PTPRD: variants seen among roughly 807,000 people sequenced by gnomAD.
The protein encoded by PTPRD is protein tyrosine phosphatase receptor type D.
Under a neutral mutation model 214.5 loss-of-function variants are expected in PTPRD, and 34 were observed. The observed-to-expected ratio is 0.16, with a 90% CI of 0.12 to 0.21. The LOEUF (loss-of-function observed/expected upper bound fraction) is 0.21, where lower values mean the gene tolerates loss of function less well. Among genes scored for constraint, PTPRD ranks in the 10% least tolerant of loss-of-function variants. The pLI is 1.00. For missense variants in PTPRD, 2,545 were observed against 2,398.7 expected, an observed-to-expected ratio of 1.06 and a Z score of -1.27; for synonymous variants, 1,128 against 845.7, an observed-to-expected ratio of 1.33 and a Z score of -5.79.
rs115178402 is a variant in PTPRD, at chr9:8,926,780, A to G, written c.-104+91917T>C. ...GCACTTACTGAGTGATCTCTTCTTG[A>G]TAATTCTTTCTGAAAACATCTCTAA... On this transcript the variant is annotated intron_variant, in intron 11 of 45. Transcript: ENST00000381196. Among the ~76,000 whole-genome samples the G allele has an allele frequency of 4.2e-3, 635 of 152,310 alleles. 3 individuals carry two copies. The highest frequency in any genetic ancestry group is 0.014 in the African/African-American group (581 of 41,558).
rs950533672 is a variant in PTPRD, at chr9:10,002,685, T to C, written c.-472+31033A>G. ...ACCTAATGACAGAGTCTCAAAATAC[T>C]TGAAAAAAAAAACTTACAGAAACAA... On this transcript the variant is annotated intron_variant, in intron 4 of 45. Transcript: ENST00000381196. Among the ~76,000 whole-genome samples, 2 of 149,384 alleles carry C rather than the reference T, an allele frequency of 1.3e-5. 1 individual carries two copies. The highest frequency in any genetic ancestry group is 5.0e-5 in the African/African-American group (2 of 40,368).
At position 9,116,173 on chromosome 9, in the gene PTPRD, G is replaced by A. The variant is rs544683171; in HGVS notation, c.-143+67131C>T. ...CCTCAACATCACACAATATACTCAC[G>A]TAACAAACTGCTCATGTACTCCCTG... is the stretch of plus-strand genomic sequence containing the variant. On this transcript the variant is annotated intron_variant, in intron 10 of 45. Transcript: ENST00000381196. Among the ~76,000 whole-genome samples, 6 of 151,948 alleles carry A rather than the reference G, an allele frequency of 3.9e-5. 1 individual carries two copies. The South Asian group carries it at 8.3e-4, about 21-fold the overall frequency.
chr9:9,675,437 T>C lies in PTPRD; in HGVS notation c.-287+59096A>G, dbSNP rs59537274. Reference sequence around the variant, plus strand: ...ATAGAAAACAATAATACAGAGAAGATCAACAAAATTAAAAGCAAATTGTTT... The same window carrying C: ...ATAGAAAACAATAATACAGAGAAGACCAACAAAATTAAAAGCAAATTGTTT... On this transcript the variant is annotated intron_variant, in intron 7 of 45. Coordinates refer to ENST00000381196, the MANE Select transcript of PTPRD (RefSeq NM_002839.4). Among the ~76,000 whole-genome samples the C allele has an allele frequency of 2.3e-3, 343 of 151,528 alleles. 1 individual carries two copies. The highest frequency in any genetic ancestry group is 7.8e-3 in the African/African-American group (323 of 41,408).
intron 11 of PTPRD, among the ~76,000 whole-genome samples, chr9:8,868,138 C>T (rs2098231514): frequency 6.6e-6 from 1 of 152,108 alleles, no homozygotes; most frequent in African/African-American, 2.4e-5. Flanking sequence ...TGTGCCCAGC[C>T]CACGCATACT....
intron 43 of PTPRD, among the ~76,000 whole-genome samples, chr9:8,337,179 C>G (rs1412077969): frequency 1.3e-5 from 2 of 152,106 alleles, no homozygotes; most frequent in Admixed American, 6.5e-5. Flanking sequence ...TTCACAATAG[C>G]AAAGACTTGT....
intron 8 of PTPRD, among the ~76,000 whole-genome samples, chr9:9,463,036 A>C (rs533060926): frequency 1.3e-4 from 19 of 150,468 alleles, no homozygotes; most frequent in African/African-American, 3.5e-4. Context: ...AGTTTCCAAG[A>C]GACTAAATAG....
At chr9:10,177,556 G>A (rs1392097742) in intron 3 of PTPRD, among the ~76,000 whole-genome samples, 2 of 151,792 alleles carry the variant, frequency 1.3e-5, no homozygotes, top group Non-Finnish European at 2.9e-5. Flanking sequence ...GAAGACCAGA[G>A]GAAAAACAGA....
chr9:9,074,124 G>C (rs1436993374), intron 10 of PTPRD, among the ~76,000 whole-genome samples: 2 of 152,106 alleles, frequency 1.3e-5, no homozygotes, highest in Non-Finnish European at 2.9e-5. Flanking sequence ...AACTAAAGCT[G>C]AGAGAAGTTT....
intron 2 of PTPRD, among the ~76,000 whole-genome samples, chr9:10,603,753 G>C (rs773900482): frequency 2.0e-5 from 3 of 151,798 alleles, no homozygotes; most frequent in Admixed American, 6.6e-5. Context: ...AAGAACTCAT[G>C]AGGCAGTATA....
chr9:9,322,305 G>A (rs1021261899), intron 9 of PTPRD, among the ~76,000 whole-genome samples: 1 of 152,120 alleles, frequency 6.6e-6, no homozygotes, highest in African/African-American at 2.4e-5. Flanking sequence ...ATTTGCTATA[G>A]ACCAAGGATT....
At chr9:9,763,377 A>G (rs2098677784) in intron 6 of PTPRD, among the ~76,000 whole-genome samples, 1 of 152,146 alleles carries the variant, frequency 6.6e-6, no homozygotes, top group Non-Finnish European at 1.5e-5. Flanking sequence ...ATCCATATGT[A>G]TCTGTTTTAC....
intron 2 of PTPRD, among the ~76,000 whole-genome samples, chr9:10,376,333 A>C (rs1344930727): frequency 6.6e-6 from 1 of 151,858 alleles, no homozygotes; most frequent in African/African-American, 2.4e-5. Context: ...ATAAAGAAAC[A>C]GTTATGTACA....
At chr9:9,236,083 G>C (rs567886557) in intron 9 of PTPRD, among the ~76,000 whole-genome samples, 1 of 151,984 alleles carries the variant, frequency 6.6e-6, no homozygotes, top group African/African-American at 2.4e-5. Context: ...GGCCAACATG[G>C]TGAAACCCTG....
intron 9 of PTPRD, among the ~76,000 whole-genome samples, chr9:9,261,389 C>T (rs967149161): frequency 6.6e-6 from 1 of 151,820 alleles, no homozygotes; most frequent in African/African-American, 2.4e-5. Context: ...CATTCTCAAA[C>T]TTGTAAGCAA....
At position 8,642,589 on chromosome 9, in the gene PTPRD, G is replaced by A. The variant is rs139894576; in HGVS notation, c.65-5745C>T. Reference sequence around the variant, plus strand: ...TTTCTCTGTAAGCGTCAGGATGAGAGCTCTGAAGGAGAGCTCAGGAACAGG... The same window carrying A: ...TTTCTCTGTAAGCGTCAGGATGAGAACTCTGAAGGAGAGCTCAGGAACAGG... On this transcript the variant is annotated intron_variant, in intron 12 of 45. Coordinates refer to ENST00000381196, the MANE Select transcript of PTPRD (RefSeq NM_002839.4). Among the ~76,000 whole-genome samples the A allele has an allele frequency of 8.5e-5, 13 of 152,270 alleles. No homozygotes were observed. In the East Asian group the frequency reaches 2.5e-3, roughly 29 times the overall value.
At chr9:8,698,025 G>A (rs2097964437) in intron 12 of PTPRD, among the ~76,000 whole-genome samples, 1 of 152,162 alleles carries the variant, frequency 6.6e-6, no homozygotes, top group Non-Finnish European at 1.5e-5. Flanking sequence ...TCTCTGCTAT[G>A]ATTATCACCA....
At chr9:10,128,423 A>G (rs1393756438) in intron 3 of PTPRD, among the ~76,000 whole-genome samples, 1 of 152,120 alleles carries the variant, frequency 6.6e-6, no homozygotes, top group African/African-American at 2.4e-5. Context: ...AGAGATCAGG[A>G]TGATGCAGCA....
intron 14 of PTPRD, among the ~76,000 whole-genome samples, chr9:8,609,534 C>T (rs925539142): frequency 1.2e-4 from 18 of 152,298 alleles, no homozygotes; most frequent in Admixed American, 5.2e-4. Context: ...GTGCATTCCA[C>T]GGAAGCTTGT....
At chr9:9,267,044 T>G (rs1271334094) in intron 9 of PTPRD, among the ~76,000 whole-genome samples, 1 of 151,240 alleles carries the variant, frequency 6.6e-6, no homozygotes, top group African/African-American at 2.4e-5. Context: ...ATCAACAAAC[T>G]TTTAGCTAGA....
Sources: gnomAD v4.1 joint callset for allele counts (sites outside exome capture counted in the v4.1 genomes callset) on GRCh38, gnomAD v4.1.1 for gene constraint, MANE v1.5 for transcripts, NCBI Gene and HGNC (gene_info 2026-07-23, HGNC 2026-07-21) for gene names.